The following DIDO1 variants were observed in gnomAD, a reference collection of about 807,000 sequenced individuals.
DIDO1 encodes the protein death inducer-obliterator 1.
In DIDO1, 16 loss-of-function variants were observed where a neutral mutation model predicts 99.4. The ratio of observed to expected loss-of-function variants is 0.16; its 90% CI spans 0.11 to 0.24. The LOEUF (loss-of-function observed/expected upper bound fraction) is 0.24. Among genes scored for constraint, DIDO1 ranks in the 10% least tolerant of loss-of-function variants. The pLI is 1.00. For synonymous variants in DIDO1, 1,366 were observed against 1,239.1 expected (o/e 1.10, Z -2.15); for missense variants, 2,996 against 3,014.0 (o/e 0.99, Z 0.14).
Position 62,880,300 on chromosome 20 carries a change from G to C in DIDO1, c.5656C>G (p.Pro1886Ala). Residue 1886 changes from proline to alanine, a missense_variant, in exon 16 of 16, where the codon CCT becomes GCT. Physicochemically the swap from Pro to Ala is conservative, Grantham distance 27. This residue lies in a region of DIDO1 where 1,562 missense variants were observed against 1,412.6 expected (regional missense o/e 1.11). Coordinates refer to ENST00000395343, the MANE Select transcript of DIDO1 (RefSeq NM_001193369.2). Reference sequence around the variant, plus strand: ...CTTCTCTGGCCTCCGAACTGGAAAGGCGCGCCGCCTCTGCTTCCCAGAAAT... The same window carrying C: ...CTTCTCTGGCCTCCGAACTGGAAAGCCGCGCCGCCTCTGCTTCCCAGAAAT... ...APFLGSRGGA[P>A]FQFGGQRRPL... 6.2e-7 allele frequency: 1 copy of C among 1,612,776 alleles called. No individual in the cohort carries two copies. The highest frequency in any genetic ancestry group is 8.5e-7 in the Non-Finnish European group (1 of 1,179,972).
chr20:62,905,844 G>A, intron 6 of DIDO1, 43 bp downstream of exon 6: 1 of 1,614,114 alleles, frequency 6.2e-7, no homozygotes. Context: ...TATCCAGAAA[G>A]AACGGGAGGG....
intron 1 of DIDO1, among the ~76,000 whole-genome samples, chr20:62,914,806 A>G (rs2065010143): frequency 6.6e-6 from 1 of 152,270 alleles, no homozygotes; most frequent in Non-Finnish European, 1.5e-5. Context: ...ACAAAAAGTG[A>G]AAAGGCTGAA....
In DIDO1 at chr20:62,896,505, G is replaced by C; in HGVS notation, c.2054+26C>G. ...AATGAAAGCCCTTCCATTTTAATGG[G>C]TAAGAAATCAAGCAGAACAGCCCAC... On this transcript the variant is annotated intron_variant, in intron 7 of 15. Transcript: ENST00000395343. The surrounding 1 kb of genome is among the most constrained non-coding windows in gnomAD (Gnocchi z 4.4). 1 of 1,579,058 alleles carries C rather than the reference G, an allele frequency of 6.3e-7. No individual in the cohort carries two copies. The highest frequency in any genetic ancestry group is 8.6e-7 in the Non-Finnish European group (1 of 1,165,350).
At position 62,888,297 on chromosome 20, in the gene DIDO1, T is replaced by C. The variant is rs552374422; in HGVS notation, c.3541+2663A>G. 5.1e-6 allele frequency: 5 copies of C among 985,488 alleles called. No individual in the cohort carries two copies. The South Asian group carries it at 1.4e-4, about 28-fold the overall frequency. The allele number at this position is 985,488 out of a possible 1,614,324, so 61.0% of individuals were successfully genotyped here. On this transcript the variant is annotated intron_variant, in intron 15 of 15. Coordinates refer to ENST00000395343, the MANE Select transcript of DIDO1 (RefSeq NM_001193369.2). ...AGTCAGTCACTCTTTTCTGCGTGAATCTCTACCCCCAACAGGACCTTCTCC... is the reference window on the plus strand; with the variant it reads ...AGTCAGTCACTCTTTTCTGCGTGAACCTCTACCCCCAACAGGACCTTCTCC...
At position 62,911,437 on chromosome 20, in the gene DIDO1, A is replaced by G. The variant is rs894080199; in HGVS notation, c.176T>C (p.Leu59Pro). ...CTGCCTCCCACTGCGCCGCAGGGAC[A>G]GGCCCAGCTGCTGCTGTGGGGGTGG... ...EPPPPQQQLG[L>P]SLRRSGRQPK... The change falls in exon 3 of 16, where the codon CTG (leucine) becomes CCG (proline). Residue 59 changes from leucine (L) to proline (P), a missense_variant. Leu to Pro is a moderately conservative substitution (Grantham distance 98, BLOSUM62 -3). Coordinates refer to ENST00000395343, the MANE Select transcript of DIDO1 (RefSeq NM_001193369.2). The surrounding 1 kb of genome is among the most constrained non-coding windows in gnomAD (Gnocchi z 7.0). 2.5e-6 allele frequency: 4 copies of G among 1,611,862 alleles called. No homozygotes were observed. Among genetic ancestry groups the G allele is most frequent in the African/African-American group, 1.3e-5 (1 of 75,038 alleles).
chr20:62,890,886 A>G, intron 15 of DIDO1, 74 bp downstream of exon 15: 1 of 1,611,672 alleles, frequency 6.2e-7, no homozygotes, highest in Non-Finnish European at 8.5e-7. Context: ...GTCAGGACTC[A>G]GCAGGGCATG....
At chr20:62,888,744 C>G (rs1293938854) in intron 15 of DIDO1, 3 of 985,344 alleles carry the variant, frequency 3.0e-6, no homozygotes, top group Non-Finnish European at 3.6e-6. Flanking sequence ...TAGAAAACGC[C>G]AAGTCAAGTA....
chr20:62,929,692 A>AAAAAAATATATATATATAT, upstream of DIDO1, among the ~76,000 whole-genome samples: 80 of 63,724 alleles, frequency 1.3e-3, no homozygotes, highest in African/African-American at 5.9e-3. Flanking sequence ...AAAAAGAAAA[A>AAAAAAATATATATATATAT]GTGTATATAT....
upstream of DIDO1, among the ~76,000 whole-genome samples, chr20:62,929,695 G>GTATATATA (rs71195479): frequency 2.3e-4 from 23 of 97,954 alleles, 1 homozygote; most frequent in African/African-American, 1.0e-3. Flanking sequence ...AAGAAAAAGT[G>GTATATATA]TATATATATA....
At chr20:62,936,006 G>C (rs1393651022) in intron 1 of DIDO1, among the ~76,000 whole-genome samples, 3 of 152,242 alleles carry the variant, frequency 2.0e-5, no homozygotes, top group Admixed American at 6.5e-5. Context: ...GCATTAACCT[G>C]TGACCCACAG....
At chr20:62,914,456 C>G (rs144753872) in intron 1 of DIDO1, 50 bp from the exon 2 acceptor site, 6 of 152,162 alleles carry the variant, frequency 3.9e-5, no homozygotes, top group African/African-American at 1.2e-4. Flanking sequence ...AACTACGTAT[C>G]GACAACAATT....
At chr20:62,913,027 C>CA (rs1228010659) in intron 2 of DIDO1, among the ~76,000 whole-genome samples, 15 of 151,674 alleles carry the variant, frequency 9.9e-5, no homozygotes, top group Non-Finnish European at 1.9e-4. Context: ...GACTCAGTCT[C>CA]AAAAAAAAGA....
chr20:62,894,180 C>T lies in DIDO1; in HGVS notation c.2587G>A (p.Ala863Thr), dbSNP rs141184797. Residue 863 changes from alanine (A) to threonine (T), a missense_variant, in exon 12 of 16, where the codon GCA becomes ACA. Ala to Thr is a moderately conservative substitution (Grantham distance 58, BLOSUM62 0). Coordinates refer to ENST00000395343, the MANE Select transcript of DIDO1 (RefSeq NM_001193369.2). This position sits in a 1 kb window ranked among gnomAD's most constrained non-coding sequence, Gnocchi z 4.4. ...TTTTTCGGAGCTGGCTCATCTTCTG[C>T]GGAGGGAACCTGGCCTGAAGAAGGC... ...CKICTGQVPS[A>T]EDEPAPKKQK... 121 of 1,613,014 alleles carry T rather than the reference C, an allele frequency of 7.5e-5. No homozygotes were observed. The African/African-American group carries it at 9.7e-4, about 13-fold the overall frequency.
chr20:62,923,739 G>C (rs2147577573), intron 1 of DIDO1, among the ~76,000 whole-genome samples: 1 of 152,068 alleles, frequency 6.6e-6, no homozygotes, highest in Non-Finnish European at 1.5e-5. Flanking sequence ...TCTTCATTTT[G>C]GAAAAAAAGT....
chr20:62,895,242 C>G, intron 8 of DIDO1, 77 bp from the exon 9 acceptor site: 6 of 1,383,714 alleles, frequency 4.3e-6, no homozygotes. Context: ...GAAAACACAG[C>G]TGCCCAGAAG....
Position 62,910,655 on chromosome 20 carries a change from G to T in DIDO1, c.839+119C>A. The T allele has an allele frequency of 4.1e-6, 5 of 1,213,742 alleles. No homozygotes were observed. In the Admixed American group the frequency reaches 6.7e-5, roughly 16 times the overall value. 75.2% of individuals were successfully genotyped at this position (1,213,742 alleles called of 1,614,324 possible). On this transcript the variant is annotated intron_variant, in intron 3 of 15. Coordinates refer to ENST00000395343, the MANE Select transcript of DIDO1 (RefSeq NM_001193369.2). ...TTATGTGTTTCTTTTTTGACAACTT[G>T]TTCATCTTTTCCAACAAATCGCTCA...
Position 62,879,268 on chromosome 20 carries a change from T to C in DIDO1, c.6688A>G (p.Arg2230Gly). 1 of 1,568,422 alleles carries C rather than the reference T, an allele frequency of 6.4e-7. No individual in the cohort carries two copies. Among genetic ancestry groups the C allele is most frequent in the South Asian group, 1.2e-5 (1 of 85,426 alleles). ...GAGGCGGTGCCAGCGTCGGAGGCCC[T>C]CGAGGCCTCGGGCTTCGGGTCCCGA... The part of the protein sequence containing the change: ...SARDPKPEAS[R>G]ASDAGTASQA The change falls in exon 16 of 16, where the codon AGG becomes GGG. Residue 2230 changes from arginine (R) to glycine (G), a missense_variant. Arg to Gly is a moderately radical substitution (Grantham distance 125). Coordinates refer to ENST00000395343, the MANE Select transcript of DIDO1 (RefSeq NM_001193369.2). This position sits in a 1 kb window ranked among gnomAD's most constrained non-coding sequence, Gnocchi z 6.3.
In DIDO1 at chr20:62,894,692, C is replaced by T. The variant is rs1053787913; in HGVS notation, c.2436+118G>A. The T allele has an allele frequency of 9.2e-6, 13 of 1,405,424 alleles. No individual in the cohort carries two copies. In the South Asian group the frequency reaches 1.1e-4, roughly 11 times the overall value. The allele number at this position is 1,405,424 out of a possible 1,614,324, so 87.1% of individuals were successfully genotyped here. A position where few individuals can be genotyped will look rare whatever the true frequency, so the allele number is the denominator to read the frequency against. On this transcript the variant is annotated intron_variant, in intron 10 of 15. Transcript: ENST00000395343. The surrounding 1 kb of genome is among the most constrained non-coding windows in gnomAD (Gnocchi z 4.4). ...CATCTAATACAAGGACTGAGGAATG[C>T]CACAATGACATACACCTGCTGTAAG...
rs756327780 is a variant in DIDO1, at chr20:62,910,970, T to C, written c.643A>G (p.Ser215Gly). The change falls in exon 3 of 16, where the codon AGT becomes GGT. Residue 215 changes from serine (S) to glycine (G), a missense_variant. This residue lies in a region of DIDO1 where 388 missense variants were observed against 376.6 expected (regional missense o/e 1.03). Coordinates refer to ENST00000395343, the MANE Select transcript of DIDO1 (RefSeq NM_001193369.2). ...ASDTVEGVLP[S>G]KQEPENDQGV... ...TGATCGTTCTCGGGCTCCTGCTTAC[T>C]GGGCAGGACGCCCTCCACAGTGTCA... is the stretch of plus-strand genomic sequence containing the variant. 7 of 1,614,042 alleles carry C rather than the reference T, an allele frequency of 4.3e-6. No homozygotes were observed. Among genetic ancestry groups the C allele is most frequent in the African/African-American group, 1.3e-5 (1 of 74,918 alleles).
Sources: gnomAD v4.1 joint callset for allele counts (sites outside exome capture counted in the v4.1 genomes callset) on GRCh38, gnomAD v4.1.1 for gene constraint, gnomAD v4.1.1 regional missense constraint, Gnocchi (gnomAD v3.1) non-coding constraint, MANE v1.5 for transcripts, NCBI Gene and HGNC (gene_info 2026-07-23, HGNC 2026-07-21) for gene names.